Variants in IQCM observed in about 807,000 individuals in gnomAD.
The protein encoded by IQCM is IQ motif containing M, also known as IQ domain-containing protein M.
IQCM carries 45 observed loss-of-function variants against 57.6 expected under a neutral mutation model. That is an observed-to-expected ratio of 0.78 (90% CI 0.62 to 1.00). IQCM has a LOEUF of 1.00. Among genes scored for constraint, IQCM ranks in the 50% least tolerant of loss-of-function variants. The probability of loss-of-function intolerance (pLI) is 0.00; values close to 1 mark genes in which losing one functional copy is unlikely to be tolerated. For synonymous variants in IQCM, 148 were observed against 158.9 expected (o/e 0.93, Z 0.51); for missense variants, 468 against 511.6 (o/e 0.91, Z 0.82).
intron 13 of IQCM, among the ~76,000 whole-genome samples, chr4:149,417,719 T>C (rs533810540): frequency 1.8e-4 from 27 of 152,170 alleles, no homozygotes; most frequent in African/African-American, 6.3e-4. Context: ...AAAGACACAC[T>C]TTACTGTCTC....
At chr4:149,500,512 G>A (rs935268246) in intron 12 of IQCM, among the ~76,000 whole-genome samples, 1 of 152,090 alleles carries the variant, frequency 6.6e-6, no homozygotes, top group Non-Finnish European at 1.5e-5. Context: ...TTTCAGATAT[G>A]AACACATCCT....
intron 12 of IQCM, among the ~76,000 whole-genome samples, chr4:149,494,989 C>A (rs958397761): frequency 5.3e-5 from 8 of 152,010 alleles, no homozygotes; most frequent in African/African-American, 1.7e-4. Flanking sequence ...AGGATTGGAA[C>A]TGGAGGTAAT....
At chr4:149,553,387 G>A in intron 10 of IQCM, 100 bp from the exon 11 acceptor site, 1 of 971,966 alleles carries the variant, frequency 1.0e-6, no homozygotes. Context: ...CTAAGATTAT[G>A]GGTGTATTTA....
intron 2 of IQCM, among the ~76,000 whole-genome samples, chr4:149,815,006 C>G (rs964373060): frequency 6.6e-6 from 1 of 152,102 alleles, no homozygotes; most frequent in Non-Finnish European, 1.5e-5. Context: ...GAGTATCCTA[C>G]TCTTTGAAAA....
At chr4:149,571,958 GACAA>G (rs1751203202) in intron 9 of IQCM, among the ~76,000 whole-genome samples, 3 of 152,080 alleles carry the variant, frequency 2.0e-5, no homozygotes, top group Admixed American at 2.0e-4. Context: ...GCTACCCTGT[GACAA>G]ACAAACACAG....
chr4:149,546,744 C>CAAAA (rs1748477077), intron 12 of IQCM, among the ~76,000 whole-genome samples: 1 of 152,194 alleles, frequency 6.6e-6, no homozygotes, highest in South Asian at 2.1e-4. Flanking sequence ...GAGTAAATTG[C>CAAAA]AAAAATTTTC....
At position 149,745,669 on chromosome 4, in the gene IQCM, A is replaced by G. The variant is rs1767859596; in HGVS notation, c.-48-2930T>C. Among the ~76,000 whole-genome samples the G allele has an allele frequency of 7.2e-5, 11 of 152,228 alleles. 1 individual carries two copies. Among genetic ancestry groups the G allele is most frequent in the Admixed American group, 7.2e-4 (11 of 15,284 alleles). On this transcript the variant is annotated intron_variant, in intron 2 of 13. Coordinates refer to ENST00000636793, the MANE Select transcript of IQCM (RefSeq NM_001363507.2). ...CTTCTTAGCTTGACATTCCTAAAGT[A>G]GATGACTGATAAGACTTTAAGGCTG...
intron 12 of IQCM, among the ~76,000 whole-genome samples, chr4:149,457,614 T>A (rs1164032113): frequency 6.6e-6 from 1 of 152,008 alleles, no homozygotes; most frequent in South Asian, 2.1e-4. Context: ...AAAAGACTTA[T>A]CAGAGGTTGG....
chr4:149,733,644 A>G (rs921611617), intron 4 of IQCM, 136 bp from the exon 5 acceptor site: 1 of 417,636 alleles, frequency 2.4e-6, no homozygotes, highest in Admixed American at 4.5e-5. Flanking sequence ...CTTGCTATAT[A>G]AGACATTTAC....
intron 2 of IQCM, among the ~76,000 whole-genome samples, chr4:149,755,437 C>T (rs1156811139): frequency 1.3e-5 from 2 of 152,142 alleles, no homozygotes; most frequent in African/African-American, 4.8e-5. Context: ...CTGCTCTGGT[C>T]AGACCAGGAT....
chr4:149,712,852 T>G (rs2149835343), intron 5 of IQCM, among the ~76,000 whole-genome samples: 1 of 152,294 alleles, frequency 6.6e-6, no homozygotes, highest in South Asian at 2.1e-4. Flanking sequence ...CATTTCTTAT[T>G]TTTAAAATAT....
chr4:149,649,702 G>A (rs528945914), intron 7 of IQCM, among the ~76,000 whole-genome samples: 25 of 152,096 alleles, frequency 1.6e-4, no homozygotes, highest in Non-Finnish European at 3.4e-4. Flanking sequence ...CTATTCCAAG[G>A]CCTCCATTTC....
intron 12 of IQCM, among the ~76,000 whole-genome samples, chr4:149,463,155 G>A (rs116104734): frequency 1.4e-3 from 211 of 152,276 alleles, no homozygotes; most frequent in African/African-American, 4.6e-3. Flanking sequence ...TGTGCAAGGT[G>A]AAGCCTATGG....
Position 149,441,320 on chromosome 4 carries a change from C to T in IQCM, c.1229-7763G>A, listed in dbSNP as rs147942224. Among the ~76,000 whole-genome samples, 232 of 152,198 alleles carry T rather than the reference C, an allele frequency of 1.5e-3. 1 individual carries two copies. Among genetic ancestry groups the T allele is most frequent in the African/African-American group, 5.3e-3 (220 of 41,560 alleles). On this transcript the variant is annotated intron_variant, in intron 12 of 13. Transcript: ENST00000636793. ...GCATAATTCCTCTCCATTTATGGAC[C>T]TGTGAAACTCAAGAATAAGTTATCT...
intron 2 of IQCM, among the ~76,000 whole-genome samples, chr4:149,785,893 A>G (rs1171013028): frequency 3.3e-5 from 5 of 151,726 alleles, no homozygotes; most frequent in African/African-American, 1.2e-4. Flanking sequence ...TGCTTGATGT[A>G]GTTTGTTGAG....
In IQCM at chr4:149,716,931, T is replaced by C. The variant is rs953886059; in HGVS notation, c.385+16313A>G. On this transcript the variant is annotated intron_variant, in intron 5 of 13. Transcript: ENST00000636793. ...ACAAAAATCCCTGAACTATGGGAGTTTGGAGAGCTTCCAGGTTGGCAAGCA... is the reference window on the plus strand; with the variant it reads ...ACAAAAATCCCTGAACTATGGGAGTCTGGAGAGCTTCCAGGTTGGCAAGCA... Among the ~76,000 whole-genome samples, 5 of 152,254 alleles carry C rather than the reference T, an allele frequency of 3.3e-5. No homozygotes were observed. In the South Asian group the frequency reaches 1.0e-3, roughly 32 times the overall value.
chr4:149,354,957 C>T (rs1464212826), intron 13 of IQCM, among the ~76,000 whole-genome samples: 1 of 152,052 alleles, frequency 6.6e-6, no homozygotes, highest in African/African-American at 2.4e-5. Flanking sequence ...ACTTTCCATT[C>T]CATACTTCTG....
At chr4:149,801,724 G>C (rs893741355) in intron 2 of IQCM, among the ~76,000 whole-genome samples, 3 of 151,862 alleles carry the variant, frequency 2.0e-5, no homozygotes, top group Non-Finnish European at 4.4e-5. Context: ...AGAGTAGAAG[G>C]ATGATTACCA....
chr4:149,354,634 T>C (rs905950539), intron 13 of IQCM, among the ~76,000 whole-genome samples: 4 of 152,012 alleles, frequency 2.6e-5, no homozygotes, highest in Non-Finnish European at 5.9e-5. Context: ...TAATATAACA[T>C]TACTCAAAAG....
Sources: gnomAD v4.1 joint callset for allele counts (sites outside exome capture counted in the v4.1 genomes callset) on GRCh38, gnomAD v4.1.1 for gene constraint, MANE v1.5 for transcripts, NCBI Gene and HGNC (gene_info 2026-07-23, HGNC 2026-07-21) for gene names.